SHB: variants seen among roughly 807,000 people sequenced by gnomAD.
SHB encodes SH2 domain containing adaptor protein B.
In SHB, 20 loss-of-function variants were observed where a neutral mutation model predicts 52.3. The ratio of observed to expected loss-of-function variants is 0.38; its 90% CI spans 0.27 to 0.56. The LOEUF (loss-of-function observed/expected upper bound fraction) is 0.56. Ranked by LOEUF, SHB falls within the 20% of genes least tolerant of loss-of-function variation. The pLI, the probability that SHB is intolerant of heterozygous loss-of-function variation, is 0.71. For synonymous variants in SHB, 397 were observed against 316.5 expected (o/e 1.25, Z -2.70); for missense variants, 825 against 723.3 (o/e 1.14, Z -1.61).
intron 5 of SHB, among the ~76,000 whole-genome samples, chr9:37,938,108 AAGCCCCTAC>A (rs1469050135): frequency 6.6e-6 from 1 of 152,220 alleles, no homozygotes; most frequent in Non-Finnish European, 1.5e-5. Flanking sequence ...TCAGTAAAAT[AAGCCCCTAC>A]AGCACAAAGG....
intron 3 of SHB, among the ~76,000 whole-genome samples, chr9:37,971,531 G>T (rs1322947278): frequency 2.0e-5 from 3 of 152,172 alleles, no homozygotes; most frequent in African/African-American, 4.8e-5. Context: ...TGAGTGAGAT[G>T]GCCTCCTCCT....
chr9:37,924,168 T>A (rs1223012896), intron 5 of SHB, among the ~76,000 whole-genome samples: 1 of 152,108 alleles, frequency 6.6e-6, no homozygotes, highest in Admixed American at 6.5e-5. Context: ...GAGGCCGGGG[T>A]GCTGGAGCTG....
At chr9:37,955,359 C>A (rs1481328299) in intron 4 of SHB, among the ~76,000 whole-genome samples, 2 of 152,142 alleles carry the variant, frequency 1.3e-5, no homozygotes, top group Non-Finnish European at 2.9e-5. Flanking sequence ...CCTGGGCCTA[C>A]CACTGGCTGG....
intron 1 of SHB, among the ~76,000 whole-genome samples, chr9:38,060,032 G>A (rs1217573689): frequency 6.6e-6 from 1 of 152,154 alleles, no homozygotes; most frequent in Admixed American, 6.5e-5. Context: ...AGTAAGTCTA[G>A]CCACAAATAA....
chr9:37,966,131 G>A (rs373703200), intron 3 of SHB, among the ~76,000 whole-genome samples: 4 of 152,266 alleles, frequency 2.6e-5, no homozygotes, highest in Middle Eastern at 3.4e-3. Flanking sequence ...AAGCCACTGC[G>A]TCTGGCCTGA....
intron 5 of SHB, among the ~76,000 whole-genome samples, chr9:37,925,906 C>T (rs930689641): frequency 6.6e-6 from 1 of 152,178 alleles, no homozygotes; most frequent in Non-Finnish European, 1.5e-5. Context: ...GGAGGTGTCG[C>T]AGGTCCCTTG....
At chr9:38,066,261 G>A (rs1400276788) in intron 1 of SHB, among the ~76,000 whole-genome samples, 24 of 152,236 alleles carry the variant, frequency 1.6e-4, no homozygotes, top group Non-Finnish European at 4.4e-5. Flanking sequence ...ACTAGCAGTG[G>A]AAGAGAAAGG....
chr9:38,060,991 A>C (rs969644035), intron 1 of SHB, among the ~76,000 whole-genome samples: 2 of 152,176 alleles, frequency 1.3e-5, no homozygotes, highest in African/African-American at 4.8e-5. Context: ...GCACAGGCCA[A>C]ATGAAAGCTA....
intron 2 of SHB, among the ~76,000 whole-genome samples, chr9:37,977,383 T>C (rs1820668262): frequency 6.6e-6 from 1 of 152,040 alleles, no homozygotes; most frequent in Non-Finnish European, 1.5e-5. Flanking sequence ...AATAATCTTC[T>C]CTCCCTGGAA....
intron 2 of SHB, among the ~76,000 whole-genome samples, chr9:38,003,347 C>T (rs1349187620): frequency 6.6e-6 from 1 of 152,050 alleles, no homozygotes; most frequent in Non-Finnish European, 1.5e-5. Flanking sequence ...AACCCTGGGG[C>T]TAGGCCATGC....
intron 2 of SHB, among the ~76,000 whole-genome samples, chr9:37,984,921 C>T (rs1587229300): frequency 6.6e-6 from 1 of 152,108 alleles, no homozygotes; most frequent in Non-Finnish European, 1.5e-5. Context: ...ACGGCAAGGG[C>T]AAGGCAGGGC....
chr9:37,942,894 G>C (rs995787387), intron 5 of SHB, among the ~76,000 whole-genome samples: 1 of 152,136 alleles, frequency 6.6e-6, no homozygotes, highest in African/African-American at 2.4e-5. Flanking sequence ...TAGGGACATG[G>C]AGGGGAAGGG....
intron 2 of SHB, among the ~76,000 whole-genome samples, chr9:37,983,134 A>T (rs1204205047): frequency 6.6e-6 from 1 of 152,204 alleles, no homozygotes; most frequent in Non-Finnish European, 1.5e-5. Flanking sequence ...CCCAACAGGG[A>T]CAGACACAGC....
At chr9:38,036,069 G>T (rs1005546679) in intron 1 of SHB, among the ~76,000 whole-genome samples, 4 of 152,174 alleles carry the variant, frequency 2.6e-5, no homozygotes, top group Non-Finnish European at 5.9e-5. Flanking sequence ...AAGAGGCAAA[G>T]AATCTGAGCC....
At chr9:38,021,869 G>A (rs575698277) in intron 1 of SHB, among the ~76,000 whole-genome samples, 6 of 152,280 alleles carry the variant, frequency 3.9e-5, no homozygotes, top group African/African-American at 1.2e-4. Flanking sequence ...CAGTCAGCAC[G>A]TCGCATCTGC....
At chr9:38,010,226 T>G (rs1284307016) in intron 2 of SHB, among the ~76,000 whole-genome samples, 1 of 152,200 alleles carries the variant, frequency 6.6e-6, no homozygotes, top group African/African-American at 2.4e-5. Flanking sequence ...AGGCGAGGAT[T>G]AAGTGAGCTA....
intron 1 of SHB, among the ~76,000 whole-genome samples, chr9:38,017,866 T>C (rs982860125): frequency 2.0e-5 from 3 of 152,240 alleles, no homozygotes; most frequent in African/African-American, 7.2e-5. Flanking sequence ...TTGCTATTTC[T>C]ACTCTACCAT....
chr9:38,061,671 G>A (rs1821894830), intron 1 of SHB, among the ~76,000 whole-genome samples: 1 of 152,212 alleles, frequency 6.6e-6, no homozygotes. Context: ...AGTCATGGGG[G>A]TTAAGCCCTG....
intron 5 of SHB, among the ~76,000 whole-genome samples, chr9:37,927,402 A>C (rs1302936394): frequency 2.6e-5 from 4 of 152,202 alleles, no homozygotes; most frequent in Non-Finnish European, 5.9e-5. Flanking sequence ...TTTACAACCA[A>C]ATAATTAGAC....
Sources: gnomAD v4.1 joint callset for allele counts (sites outside exome capture counted in the v4.1 genomes callset) on GRCh38, gnomAD v4.1.1 for gene constraint, MANE v1.5 for transcripts, NCBI Gene and HGNC (gene_info 2026-07-23, HGNC 2026-07-21) for gene names.